The following OR10H5 variants were observed in gnomAD, a reference collection of about 807,000 sequenced individuals.
OR10H5 encodes the protein olfactory receptor 10H5.
A neutral mutation model predicts 12.2 loss-of-function variants in OR10H5; 7 were observed. The observed-to-expected ratio is 0.57, with a 90% confidence interval of 0.33 to 1.07. The LOEUF (loss-of-function observed/expected upper bound fraction) is 1.07, where lower values mean the gene tolerates loss of function less well. Ranked by LOEUF, OR10H5 falls within the 50% of genes least tolerant of loss-of-function variation. The probability of loss-of-function intolerance (pLI) is 0.04; values close to 1 mark genes in which losing one functional copy is unlikely to be tolerated. For synonymous variants in OR10H5, 159 were observed against 175.1 expected (o/e 0.91, Z 0.73); for missense variants, 346 against 411.6 (o/e 0.84, Z 1.38).
intron 1 of OR10H5, among the ~76,000 whole-genome samples, chr19:15,787,941 C>T (rs1415415609): frequency 6.6e-6 from 1 of 152,194 alleles, no homozygotes; most frequent in Non-Finnish European, 1.5e-5. Context: ...CCAAGTCCCC[C>T]ATAGAGTCCA....
intron 1 of OR10H5, among the ~76,000 whole-genome samples, chr19:15,793,439 T>A (rs1432478343): frequency 6.6e-6 from 1 of 152,082 alleles, no homozygotes; most frequent in African/African-American, 2.4e-5. Flanking sequence ...TTTAAATTTT[T>A]ATTTTGTAGA....
Position 15,798,044 on chromosome 19 carries a change from T to TAAAAAA in OR10H5, c.*3067_*3072dup, listed in dbSNP as rs61593330. ...TGGGCGACAAGAGTGACACTCCATC[T>TAAAAAA]AAAAAAAAAAAAAAAAAAAAAAAAG... On this transcript the variant is annotated 3_prime_UTR_variant, in exon 2 of 2. Transcript: ENST00000642092. 2.4e-4 allele frequency: 16 copies of TAAAAAA among 65,768 alleles called. No individual in the cohort carries two copies. Among genetic ancestry groups the TAAAAAA allele is most frequent in the South Asian group, 1.3e-3 (2 of 1,504 alleles). The allele number at this position is 65,768 out of a possible 1,614,324, so 4.1% of individuals were successfully genotyped here.
chr19:15,791,530 A>G (rs958251334), intron 1 of OR10H5, among the ~76,000 whole-genome samples: 1 of 151,502 alleles, frequency 6.6e-6, no homozygotes. Context: ...GTGATATTTT[A>G]TCATCCTTAT....
chr19:15,791,684 G>A (rs2088809780), intron 1 of OR10H5, among the ~76,000 whole-genome samples: 1 of 150,928 alleles, frequency 6.6e-6, no homozygotes, highest in African/African-American at 2.4e-5. Flanking sequence ...TTGTTTGCAT[G>A]AATTATTATT....
intron 1 of OR10H5, among the ~76,000 whole-genome samples, chr19:15,791,919 T>C (rs202131818): frequency 1.3e-5 from 2 of 151,988 alleles, no homozygotes; most frequent in East Asian, 3.9e-4. Context: ...GGTCTTGATC[T>C]CCTAACTTCA....
intron 1 of OR10H5, among the ~76,000 whole-genome samples, chr19:15,789,229 G>A (rs982002128): frequency 6.6e-6 from 1 of 152,222 alleles, no homozygotes; most frequent in Admixed American, 6.5e-5. Context: ...GGCTCCATAG[G>A]TGTGTGCAGA....
Position 15,795,296 on chromosome 19 carries a change from A to G in OR10H5, c.*300A>G. ...GTTTCTATACCTCTCTGTCTCTGTC[A>G]CTCTCTTTCTCCCTCCTTGTTCTTT... On this transcript the variant is annotated 3_prime_UTR_variant, in exon 2 of 2. Transcript: ENST00000642092. 2.9e-6 allele frequency: 1 copy of G among 341,638 alleles called. No homozygotes were observed. Among genetic ancestry groups the G allele is most frequent in the Non-Finnish European group, 5.2e-6 (1 of 192,132 alleles). 21.2% of individuals were successfully genotyped at this position (341,638 alleles called of 1,614,324 possible).
rs1326825964 is a variant in OR10H5, at chr19:15,799,430, G to C, written c.*4434G>C. ...CTAACTGACAAAGTATCTTGCGGCA[G>C]GTAGAAATAATCAGTTTTCTTGCAT... On this transcript the variant is annotated 3_prime_UTR_variant, in exon 2 of 2. Transcript: ENST00000642092. 6.6e-6 allele frequency: 1 copy of C among 152,064 alleles called. No individual in the cohort carries two copies. Among genetic ancestry groups the C allele is most frequent in the Non-Finnish European group, 1.5e-5 (1 of 68,014 alleles). The allele number at this position is 152,064 out of a possible 1,614,324, so 9.4% of individuals were successfully genotyped here. A position where few individuals can be genotyped will look rare whatever the true frequency, so the allele number is the denominator to read the frequency against.
At chr19:15,791,037 G>T (rs1381879985) in intron 1 of OR10H5, among the ~76,000 whole-genome samples, 1 of 152,056 alleles carries the variant, frequency 6.6e-6, no homozygotes, top group Non-Finnish European at 1.5e-5. Flanking sequence ...GGAGAAATTG[G>T]CTAAAAGATA....
At chr19:15,790,670 G>A (rs1291943887) in intron 1 of OR10H5, among the ~76,000 whole-genome samples, 2 of 152,108 alleles carry the variant, frequency 1.3e-5, no homozygotes, top group Admixed American at 1.3e-4. Context: ...AGGGAGAGGA[G>A]GGATGAAGAA....
chr19:15,788,628 G>A (rs2088795254), intron 1 of OR10H5, among the ~76,000 whole-genome samples: 1 of 152,102 alleles, frequency 6.6e-6, no homozygotes, highest in Non-Finnish European at 1.5e-5. Flanking sequence ...CTCCTAAGCA[G>A]CTGTTAGCGC....
In OR10H5 at chr19:15,790,265, A is replaced by G. The variant is rs116687928; in HGVS notation, c.-12+2549A>G. On this transcript the variant is annotated intron_variant, in intron 1 of 1. Coordinates refer to ENST00000642092, the MANE Select transcript of OR10H5 (RefSeq NM_001004466.2). The stretch of plus-strand genomic sequence containing the variant: ...TGGGGTTGAAGTCCCTGACTGTCAC[A>G]GTGCCAATGTGAGTCACCTGGCAGG... Among the ~76,000 whole-genome samples the G allele has an allele frequency of 9.6e-3, 1,458 of 152,324 alleles. 26 individuals are homozygous for G. The highest frequency in any genetic ancestry group is 0.032 in the African/African-American group (1,326 of 41,566).
intron 1 of OR10H5, among the ~76,000 whole-genome samples, chr19:15,792,172 C>G (rs182297256): frequency 1.3e-5 from 2 of 152,112 alleles, no homozygotes; most frequent in African/African-American, 4.8e-5. Context: ...GGGCACAATT[C>G]ATTTCATTTA....
rs544350584 is a variant in OR10H5 at position 15,798,558 on chromosome 19, C to T, written c.*3562C>T. The T allele has an allele frequency of 7.2e-5, 11 of 152,260 alleles. No individual in the cohort carries two copies. The South Asian group carries it at 2.3e-3, about 32-fold the overall frequency. The allele number at this position is 152,260 out of a possible 1,614,324, so 9.4% of individuals were successfully genotyped here. The stretch of plus-strand genomic sequence containing the variant: ...TTCCTTGGAGCCCAGTGTTGTAGTC[C>T]TAATTGCTAGAGACCAAGGCCAGCT... On this transcript the variant is annotated 3_prime_UTR_variant, in exon 2 of 2. Coordinates refer to ENST00000642092, the MANE Select transcript of OR10H5 (RefSeq NM_001004466.2).
chr19:15,792,135 G>T (rs542260102), intron 1 of OR10H5, among the ~76,000 whole-genome samples: 3 of 152,192 alleles, frequency 2.0e-5, no homozygotes, highest in African/African-American at 7.2e-5. Context: ...TTGCCAGTTT[G>T]TCAGCTAATT....
chr19:15,789,387 T>C (rs1251158157), intron 1 of OR10H5, among the ~76,000 whole-genome samples: 2 of 152,220 alleles, frequency 1.3e-5, no homozygotes, highest in Admixed American at 6.5e-5. Context: ...CAGAAAGAGC[T>C]GGATGAGTTG....
At chr19:15,793,460 C>T (rs1344062432) in intron 1 of OR10H5, among the ~76,000 whole-genome samples, 2 of 151,986 alleles carry the variant, frequency 1.3e-5, no homozygotes, top group Middle Eastern at 3.2e-3. Flanking sequence ...GATGGAGTTT[C>T]ACTATGTTAC....
chr19:15,799,288 T>C lies in OR10H5; in HGVS notation c.*4292T>C, dbSNP rs868024694. The C allele has an allele frequency of 3.3e-5, 5 of 152,108 alleles. No homozygotes were observed. Among genetic ancestry groups the C allele is most frequent in the African/African-American group, 4.8e-5 (2 of 41,408 alleles). 9.4% of individuals were successfully genotyped at this position (152,108 alleles called of 1,614,324 possible). A position where few individuals can be genotyped will look rare whatever the true frequency, so the allele number is the denominator to read the frequency against. On this transcript the variant is annotated 3_prime_UTR_variant, in exon 2 of 2. Transcript: ENST00000642092. ...AACCTTGCATCTACTCTTTTTTTTT[T>C]CTTCAGAGATTGGGGCATGAAATCT...
Position 15,794,602 on chromosome 19 carries a change from T to C in OR10H5, c.554T>C (p.Leu185Ser), listed in dbSNP as rs1568449604. 6.2e-7 allele frequency: 1 copy of C among 1,614,188 alleles called. No homozygotes were observed. Among genetic ancestry groups the C allele is most frequent in the Non-Finnish European group, 8.5e-7 (1 of 1,180,040 alleles). The change falls in exon 2 of 2, where the codon TTG becomes TCG. Residue 185 changes from leucine to serine, a missense_variant. Leu to Ser is a moderately radical substitution (Grantham distance 145). Transcript: ENST00000642092. ...HHFFCHVPPL[L>S]KLACGDDVLV... ...TTCTTCTGCCACGTGCCACCTCTGTTGAAGTTGGCCTGTGGAGATGATGTG... is the reference window on the plus strand; with the variant it reads ...TTCTTCTGCCACGTGCCACCTCTGTCGAAGTTGGCCTGTGGAGATGATGTG...
Sources: allele counts gnomAD v4.1 joint callset (sites outside exome capture counted in the v4.1 genomes callset), GRCh38; gene constraint gnomAD v4.1.1; transcripts MANE v1.5; gene names NCBI Gene and HGNC (gene_info 2026-07-23, HGNC 2026-07-21).